Variants in PCDHGA4 observed in about 807,000 individuals in gnomAD.
PCDHGA4 encodes protocadherin gamma-A4.
Under a neutral mutation model 54.6 loss-of-function variants are expected in PCDHGA4, and 38 were observed. That is an observed-to-expected ratio of 0.70 (90% CI 0.54 to 0.91). The LOEUF (loss-of-function observed/expected upper bound fraction) is 0.91. PCDHGA4 is among the 40% of genes least tolerant of loss of function. The pLI, the probability that PCDHGA4 is intolerant of heterozygous loss-of-function variation, is 0.00. For missense variants in PCDHGA4, 1,298 were observed against 1,220.9 expected (o/e 1.06, Z -0.94); for synonymous variants, 511 against 512.9 (o/e 1.00, Z 0.05).
chr5:141,474,325 C>A (rs540113771), intron 1 of PCDHGA4, among the ~76,000 whole-genome samples: 1 of 152,256 alleles, frequency 6.6e-6, no homozygotes, highest in Admixed American at 6.5e-5. Context: ...TTTCAAATCA[C>A]CCTGATGTTT....
Position 141,490,826 on chromosome 5 carries a change from T to A in PCDHGA4, c.2515-3981T>A, listed in dbSNP as rs1195265146. ...ACCTTTGACTATGAATTGCTGCAGA[T>A]GCTGCAGATTGTGGTGGGGGTTCGA... On this transcript the variant is annotated intron_variant, in intron 1 of 3. Coordinates refer to ENST00000571252, the MANE Select transcript of PCDHGA4 (RefSeq NM_018917.4). The surrounding 1 kb of genome is among the most constrained non-coding windows in gnomAD (Gnocchi z 5.4). 6.2e-7 allele frequency: 1 copy of A among 1,613,736 alleles called. No homozygotes were observed. The highest frequency in any genetic ancestry group is 8.5e-7 in the Non-Finnish European group (1 of 1,179,796).
intron 1 of PCDHGA4, chr5:141,394,928 C>T (rs2093129787): frequency 7.4e-6 from 12 of 1,613,838 alleles, no homozygotes; most frequent in Non-Finnish European, 1.0e-5. Context: ...GTGTCTTCCT[C>T]GCCTTTGTCG....
At chr5:141,497,212 G>C (rs968445663) in intron 2 of PCDHGA4, among the ~76,000 whole-genome samples, 2 of 151,018 alleles carry the variant, frequency 1.3e-5, no homozygotes, top group East Asian at 3.9e-4. Context: ...AGTGTAATGG[G>C]GGGGGGAAGA....
At chr5:141,420,474 C>T in intron 1 of PCDHGA4, 1 of 677,328 alleles carries the variant, frequency 1.5e-6, no homozygotes, top group Non-Finnish European at 2.1e-6. Context: ...CATTTTAAAG[C>T]AAACTACATG....
At chr5:141,358,684 A>C (rs1437513367) in intron 1 of PCDHGA4, among the ~76,000 whole-genome samples, 1 of 152,182 alleles carries the variant, frequency 6.6e-6, no homozygotes, top group African/African-American at 2.4e-5. Flanking sequence ...ATTGCTTATC[A>C]TGACATCACT....
chr5:141,371,862 T>C (rs549873232), intron 1 of PCDHGA4: 34 of 1,613,560 alleles, frequency 2.1e-5, no homozygotes, highest in African/African-American at 1.5e-4. Context: ...TGTCTCCTAC[T>C]ACATCGTGGC....
In PCDHGA4 at chr5:141,477,292, A is replaced by G; in HGVS notation, c.2515-17515A>G. The G allele has an allele frequency of 1.2e-6, 2 of 1,614,114 alleles. No individual in the cohort carries two copies. The highest frequency in any genetic ancestry group is 4.5e-5 in the East Asian group (2 of 44,862). On this transcript the variant is annotated intron_variant, in intron 1 of 3. Transcript: ENST00000571252. The surrounding 1 kb of genome is among the most constrained non-coding windows in gnomAD (Gnocchi z 4.9). ...ACGGGCTGGTGACCTGCGAAGTTCCACCGGGTCTCCCTTTCAGCCTTACTT... is the reference window on the plus strand; with the variant it reads ...ACGGGCTGGTGACCTGCGAAGTTCCGCCGGGTCTCCCTTTCAGCCTTACTT...
chr5:141,484,334 A>G (rs988395353), intron 1 of PCDHGA4, among the ~76,000 whole-genome samples: 3 of 152,192 alleles, frequency 2.0e-5, no homozygotes, highest in East Asian at 1.9e-4. Context: ...CTTGAAATCA[A>G]TGAATGGTAA....
chr5:141,404,658 C>T, intron 1 of PCDHGA4: 2 of 1,614,198 alleles, frequency 1.2e-6, no homozygotes, highest in Non-Finnish European at 1.7e-6. Context: ...GCCCTCCCCA[C>T]TGATGGTTCT....
At chr5:141,510,816 A>G (rs1478938067) in intron 3 of PCDHGA4, 131 bp from the exon 4 acceptor site, 2 of 1,547,282 alleles carry the variant, frequency 1.3e-6, no homozygotes, top group Non-Finnish European at 1.8e-6. Context: ...GGTGACCCCT[A>G]TATTCCCAGT....
intron 1 of PCDHGA4, chr5:141,398,307 G>A (rs1447377921): frequency 1.5e-6 from 2 of 1,359,764 alleles, no homozygotes; most frequent in South Asian, 1.3e-5. Flanking sequence ...GCGTCCAGGA[G>A]TTACCGACTC....
chr5:141,440,780 C>T (rs748247053), intron 1 of PCDHGA4: 1 of 152,158 alleles, frequency 6.6e-6, no homozygotes, highest in African/African-American at 2.4e-5. Flanking sequence ...GTGCTAGCAG[C>T]CTTAGACGGC....
At chr5:141,444,152 A>ATTTTTTTTTTTT (rs747671382) in intron 1 of PCDHGA4, among the ~76,000 whole-genome samples, 4 of 33,898 alleles carry the variant, frequency 1.2e-4, no homozygotes, top group Admixed American at 3.9e-4. Flanking sequence ...TGTGTACTGG[A>ATTTTTTTTTTTT]TTTTTTTTTT....
At chr5:141,413,198 C>T in intron 1 of PCDHGA4, 5 of 1,611,416 alleles carry the variant, frequency 3.1e-6, no homozygotes, top group Non-Finnish European at 2.5e-6. Flanking sequence ...AGGAATCGCT[C>T]AAAGGAATCA....
At chr5:141,385,182 G>C (rs374159387) in intron 1 of PCDHGA4, 1 of 1,614,138 alleles carries the variant, frequency 6.2e-7, no homozygotes, top group African/African-American at 1.3e-5. Context: ...CCCTCACCGC[G>C]GACTCTCGGA....
At chr5:141,446,766 C>T (rs1335326278) in intron 1 of PCDHGA4, among the ~76,000 whole-genome samples, 7 of 152,208 alleles carry the variant, frequency 4.6e-5, no homozygotes, top group East Asian at 3.9e-4. Context: ...CGCGCCCAGC[C>T]GGTTACCATT....
chr5:141,430,580 G>A, intron 1 of PCDHGA4: 1 of 478,526 alleles, frequency 2.1e-6, no homozygotes, highest in Admixed American at 3.8e-5. Context: ...CGGAGATCCT[G>A]CTCGCCTTGC....
At chr5:141,492,008 G>A (rs1201433644) in intron 1 of PCDHGA4, 21 of 616,588 alleles carry the variant, frequency 3.4e-5, no homozygotes, top group Admixed American at 2.9e-4. Flanking sequence ...CGATTTCCGC[G>A]GGTGTCGGGG....
At chr5:141,365,213 G>A in intron 1 of PCDHGA4, 1 of 1,613,930 alleles carries the variant, frequency 6.2e-7, no homozygotes, top group Non-Finnish European at 8.5e-7. Flanking sequence ...TTTCCAACTT[G>A]ATTCCAACCT....
Sources: allele counts gnomAD v4.1 joint callset (sites outside exome capture counted in the v4.1 genomes callset), GRCh38; gene constraint gnomAD v4.1.1; non-coding constraint Gnocchi (gnomAD v3.1); transcripts MANE v1.5; gene names NCBI Gene and HGNC (gene_info 2026-07-23, HGNC 2026-07-21).